Variants in MED12L observed in about 807,000 individuals in gnomAD.
The protein encoded by MED12L is mediator of RNA polymerase II transcription subunit 12-like protein.
A neutral mutation model predicts 281.3 loss-of-function variants in MED12L; 60 were observed. The ratio of observed to expected loss-of-function variants is 0.21; its 90% CI spans 0.17 to 0.26. The LOEUF (loss-of-function observed/expected upper bound fraction) is 0.26, where lower values mean the gene tolerates loss of function less well. MED12L is among the 10% of genes least tolerant of loss of function. The pLI is 1.00. For missense variants in MED12L, 2,146 were observed against 2,680.9 expected (o/e 0.80, Z 4.41); for synonymous variants, 974 against 987.2 (o/e 0.99, Z 0.25).
intron 10 of MED12L, 77 bp downstream of exon 10, chr3:151,165,596 C>G: frequency 1.6e-6 from 2 of 1,277,666 alleles, no homozygotes; most frequent in South Asian, 2.5e-5. Flanking sequence ...ATAAACCATT[C>G]CACATGAATA....
intron 16 of MED12L, among the ~76,000 whole-genome samples, chr3:151,297,765 T>C (rs1745301355): frequency 6.6e-6 from 1 of 152,156 alleles, no homozygotes; most frequent in African/African-American, 2.4e-5. Context: ...CACATTCTTA[T>C]TAAATGATGA....
At chr3:151,151,243 T>C (rs1269904898) in intron 5 of MED12L, among the ~76,000 whole-genome samples, 1 of 151,790 alleles carries the variant, frequency 6.6e-6, no homozygotes, top group Non-Finnish European at 1.5e-5. Flanking sequence ...TTCACCGTGT[T>C]AGCCAGGATG....
At chr3:151,262,051 A>G (rs968887126) in intron 16 of MED12L, among the ~76,000 whole-genome samples, 7 of 152,220 alleles carry the variant, frequency 4.6e-5, no homozygotes, top group Admixed American at 2.6e-4. Context: ...TTTAACAAAC[A>G]TGTTAAAGTT....
intron 16 of MED12L, among the ~76,000 whole-genome samples, chr3:151,310,373 C>T (rs1353810766): frequency 6.6e-6 from 1 of 152,154 alleles, no homozygotes; most frequent in African/African-American, 2.4e-5. Flanking sequence ...TCTTATCCTG[C>T]CTCTGTAAAA....
chr3:151,338,994 G>C, intron 16 of MED12L: 1 of 736,784 alleles, frequency 1.4e-6, no homozygotes. Flanking sequence ...TAGTTAGTAT[G>C]AACACAGAAA....
intron 16 of MED12L, chr3:151,295,287 C>A: frequency 2.2e-6 from 2 of 906,988 alleles, no homozygotes; most frequent in Non-Finnish European, 3.4e-6. Context: ...CCTTACAGAC[C>A]CAACTTTTTG....
chr3:151,417,757 A>G (rs1018498436), intron 43 of MED12L, among the ~76,000 whole-genome samples: 1 of 152,188 alleles, frequency 6.6e-6, no homozygotes, highest in African/African-American at 2.4e-5. Flanking sequence ...GGCGTGAGCC[A>G]CTGTGCCCGG....
intron 16 of MED12L, among the ~76,000 whole-genome samples, chr3:151,324,922 A>C (rs1436802974): frequency 6.6e-6 from 1 of 152,212 alleles, no homozygotes; most frequent in East Asian, 1.9e-4. Flanking sequence ...GTTTTTTCTT[A>C]AATAATAGAT....
chr3:151,241,207 C>T (rs1367484250), intron 16 of MED12L, among the ~76,000 whole-genome samples: 1 of 152,100 alleles, frequency 6.6e-6, no homozygotes. Flanking sequence ...GACTATATCT[C>T]TTTAGTTGGT....
At chr3:151,357,466 T>TGGCTC in intron 20 of MED12L, 90 bp downstream of exon 20, 1 of 1,142,120 alleles carries the variant, frequency 8.8e-7, no homozygotes, top group Non-Finnish European at 1.2e-6. Flanking sequence ...AGAAAAATAG[T>TGGCTC]ACTGATACCT....
intron 30 of MED12L, 60 bp from the exon 31 acceptor site, chr3:151,377,952 T>A: frequency 6.8e-7 from 1 of 1,465,896 alleles, no homozygotes; most frequent in Non-Finnish European, 9.1e-7. Context: ...GTTTCTGTTA[T>A]AACTGTGAGA....
chr3:151,119,494 T>C (rs1236684086), intron 3 of MED12L, among the ~76,000 whole-genome samples: 2 of 152,130 alleles, frequency 1.3e-5, no homozygotes. Context: ...TCTCCTCTTA[T>C]AAAGTCCTAC....
chr3:151,350,204 G>A lies in MED12L; in HGVS notation c.2396G>A (p.Gly799Glu). ...AATAAGAAGAGCACCACAGAGACAG[G>A]GGGTAAAGAACCTTAATGCATTTGC... is the stretch of plus-strand genomic sequence containing the variant. ...ILNKKSTTET[G>E]VGDEGQKARK... Residue 799 changes from glycine (G) to glutamate (E), a missense_variant and splice_region_variant, in exon 17 of 45, where the codon GGG (glycine) becomes GAG (glutamate). Physicochemically the swap from Gly to Glu is moderately conservative, Grantham distance 98. Transcript: ENST00000687756. 6.2e-7 allele frequency: 1 copy of A among 1,612,820 alleles called. No individual in the cohort carries two copies. The highest frequency in any genetic ancestry group is 8.5e-7 in the Non-Finnish European group (1 of 1,179,376).
chr3:151,359,363 G>A (rs1032910424), intron 20 of MED12L, among the ~76,000 whole-genome samples: 1 of 152,044 alleles, frequency 6.6e-6, no homozygotes, highest in African/African-American at 2.4e-5. Context: ...GTTCTAATTG[G>A]CAGCTTTTAC....
At chr3:151,162,284 A>T (rs1720099085) in intron 8 of MED12L, among the ~76,000 whole-genome samples, 1 of 152,184 alleles carries the variant, frequency 6.6e-6, no homozygotes, top group Non-Finnish European at 1.5e-5. Flanking sequence ...GGCAGTAGGG[A>T]TGTAGCCCAG....
chr3:151,346,866 A>G (rs751529293), intron 16 of MED12L, among the ~76,000 whole-genome samples: 2 of 152,072 alleles, frequency 1.3e-5, no homozygotes, highest in African/African-American at 2.4e-5. Context: ...CTACCCTTCA[A>G]ATTCCTTGCA....
At chr3:151,399,930 G>A (rs776554351) in intron 39 of MED12L, among the ~76,000 whole-genome samples, 20 of 151,906 alleles carry the variant, frequency 1.3e-4, no homozygotes, top group African/African-American at 2.4e-4. Flanking sequence ...GGGTTCAAGC[G>A]ATTCTCCTGC....
Position 151,377,138 on chromosome 3 carries a change from A to T in MED12L, c.4276A>T (p.Thr1426Ser), listed in dbSNP as rs1468671651. The stretch of plus-strand genomic sequence containing the variant: ...CCCAAACAGTATTGGAAGTGCTGAT[A>T]CAAGTAGCACGAGACAGAATGGAAT... ...FNPNSIGSAD[T>S]SSTRQNGIKT... Residue 1426 changes from threonine (T) to serine (S), a missense_variant, in exon 30 of 45, where the codon ACA becomes TCA. Physicochemically the swap from Thr to Ser is moderately conservative, Grantham distance 58. Around this residue, in one of 9 missense-constraint regions of MED12L, gnomAD observed 235 missense variants for 260.3 expected, o/e 0.90. Transcript: ENST00000687756. 1 of 1,613,912 alleles carries T rather than the reference A, an allele frequency of 6.2e-7. No homozygotes were observed. The highest frequency in any genetic ancestry group is 2.2e-5 in the East Asian group (1 of 44,864).
intron 16 of MED12L, among the ~76,000 whole-genome samples, chr3:151,196,461 C>G (rs1031301323): frequency 6.6e-6 from 1 of 152,066 alleles, no homozygotes; most frequent in African/African-American, 2.4e-5. Context: ...TTCCATGTCC[C>G]CATCTGTCAT....
Sources: allele counts gnomAD v4.1 joint callset (sites outside exome capture counted in the v4.1 genomes callset), GRCh38; gene constraint gnomAD v4.1.1; regional missense constraint gnomAD v4.1.1; transcripts MANE v1.5; gene names NCBI Gene and HGNC (gene_info 2026-07-23, HGNC 2026-07-21).